Variants in CREB5 observed in about 807,000 individuals in gnomAD.
CREB5 encodes cAMP responsive element binding protein 5.
Under a neutral mutation model 57.1 loss-of-function variants are expected in CREB5, and 19 were observed. The observed-to-expected ratio is 0.33, with a 90% CI of 0.23 to 0.49. CREB5 has a LOEUF of 0.49. Ranked by LOEUF, CREB5 falls within the 20% of genes least tolerant of loss-of-function variation. The pLI, the probability that CREB5 is intolerant of heterozygous loss-of-function variation, is 0.99. For missense variants in CREB5, 579 were observed against 671.6 expected (o/e 0.86, Z 1.52); for synonymous variants, 238 against 238.3 (o/e 1.00, Z 0.01).
chr7:28,483,472 T>C (rs79495564), intron 1 of CREB5, among the ~76,000 whole-genome samples: 2,088 of 152,340 alleles, frequency 0.014, 25 homozygotes, highest in Non-Finnish European at 0.021. Flanking sequence ...TTTTGTTATC[T>C]TCCTCAAATT....
intron 1 of CREB5, among the ~76,000 whole-genome samples, chr7:28,427,696 GC>G (rs1788562764): frequency 6.6e-6 from 1 of 151,934 alleles, no homozygotes; most frequent in African/African-American, 2.4e-5. Context: ...CATGAACTCT[GC>G]CCTCCTCCTC....
intron 5 of CREB5, among the ~76,000 whole-genome samples, chr7:28,660,303 G>A (rs1799550831): frequency 1.3e-5 from 2 of 151,102 alleles, no homozygotes; most frequent in African/African-American, 4.9e-5. Flanking sequence ...AAGAACCACT[G>A]TCCTCAAAAG....
intron 9 of CREB5, among the ~76,000 whole-genome samples, chr7:28,816,605 A>G (rs1452579200): frequency 1.3e-5 from 2 of 152,172 alleles, no homozygotes; most frequent in African/African-American, 4.8e-5. Flanking sequence ...ATGTTACTCA[A>G]TATGTGGTTG....
chr7:28,774,674 G>A (rs552238267), intron 7 of CREB5, among the ~76,000 whole-genome samples: 92 of 152,324 alleles, frequency 6.0e-4, no homozygotes, highest in Admixed American at 1.0e-3. Flanking sequence ...CAGAGTGGGG[G>A]TGGGTAATGA....
intron 1 of CREB5, among the ~76,000 whole-genome samples, chr7:28,354,658 C>G (rs891275651): frequency 6.6e-6 from 1 of 152,216 alleles, no homozygotes; most frequent in African/African-American, 2.4e-5. Context: ...CCAGGGCCCT[C>G]CCTGTGCCAG....
intron 1 of CREB5, among the ~76,000 whole-genome samples, chr7:28,478,460 A>T (rs1791172559): frequency 6.6e-6 from 1 of 152,174 alleles, no homozygotes; most frequent in Non-Finnish European, 1.5e-5. Flanking sequence ...AAGCTTTCTT[A>T]CTGAGAAGCT....
At chr7:28,633,324 A>G (rs1427749861) in intron 5 of CREB5, among the ~76,000 whole-genome samples, 2 of 152,108 alleles carry the variant, frequency 1.3e-5, no homozygotes, top group Non-Finnish European at 2.9e-5. Context: ...ATTATTTCCT[A>G]CAAATGAGAA....
chr7:28,486,670 T>TTTTATATATATATATATATA (rs1554331894), intron 1 of CREB5, among the ~76,000 whole-genome samples: 2 of 89,148 alleles, frequency 2.2e-5, no homozygotes, highest in Admixed American at 1.2e-4. Context: ...TCCTATGATT[T>TTTTATATATATATATATATA]TATATATATA....
chr7:28,573,454 C>T (rs1795782497), intron 5 of CREB5, among the ~76,000 whole-genome samples: 1 of 152,224 alleles, frequency 6.6e-6, no homozygotes, highest in African/African-American at 2.4e-5. Flanking sequence ...TAAGCTGCAT[C>T]CAGCCAGAAA....
intron 5 of CREB5, among the ~76,000 whole-genome samples, chr7:28,609,690 G>A (rs1212716945): frequency 6.6e-6 from 1 of 152,234 alleles, no homozygotes; most frequent in Non-Finnish European, 1.5e-5. Context: ...TGCACCAGGT[G>A]CATGGAGGTA....
upstream of CREB5, among the ~76,000 whole-genome samples, chr7:28,408,573 G>T (rs777437477): frequency 6.6e-6 from 1 of 152,146 alleles, no homozygotes; most frequent in Non-Finnish European, 1.5e-5. Flanking sequence ...GACAGCCAAG[G>T]GCCCTTTCGG....
chr7:28,671,759 T>C (rs1389675768), intron 5 of CREB5, among the ~76,000 whole-genome samples: 1 of 152,226 alleles, frequency 6.6e-6, no homozygotes, highest in African/African-American at 2.4e-5. Flanking sequence ...ACGTGCCAGC[T>C]GTGTGACCTT....
chr7:28,473,527 T>C (rs1351447989), intron 1 of CREB5, among the ~76,000 whole-genome samples: 1 of 152,228 alleles, frequency 6.6e-6, no homozygotes, highest in Non-Finnish European at 1.5e-5. Flanking sequence ...CTCATCCTTC[T>C]CATTCAGTGT....
intron 1 of CREB5, among the ~76,000 whole-genome samples, chr7:28,471,464 C>T (rs1001220152): frequency 9.9e-5 from 15 of 152,052 alleles, no homozygotes; most frequent in African/African-American, 3.1e-4. Context: ...CATGCTCTTT[C>T]GGTTACTATA....
At chr7:28,445,754 T>C (rs1411531380) in intron 1 of CREB5, among the ~76,000 whole-genome samples, 5 of 151,812 alleles carry the variant, frequency 3.3e-5, no homozygotes, top group Non-Finnish European at 5.9e-5. Context: ...GGTTTCACTG[T>C]GTTAGCCAGG....
At chr7:28,520,442 C>T (rs938733327) in intron 4 of CREB5, among the ~76,000 whole-genome samples, 4 of 152,300 alleles carry the variant, frequency 2.6e-5, no homozygotes, top group African/African-American at 9.6e-5. Flanking sequence ...AAAGAAGAGA[C>T]CAAGTCTGAT....
intron 4 of CREB5, among the ~76,000 whole-genome samples, chr7:28,564,033 T>C (rs1583636504): frequency 6.6e-6 from 1 of 151,968 alleles, no homozygotes; most frequent in African/African-American, 2.4e-5. Context: ...CTTTAACATC[T>C]TTTCTATACC....
intron 5 of CREB5, among the ~76,000 whole-genome samples, chr7:28,589,022 C>T (rs1489964382): frequency 6.6e-6 from 1 of 152,186 alleles, no homozygotes; most frequent in Non-Finnish European, 1.5e-5. Context: ...AAATGTAAGA[C>T]TCACTCTATG....
chr7:28,491,187 G>A (rs892870646), intron 2 of CREB5: 4 of 985,148 alleles, frequency 4.1e-6, no homozygotes, highest in Admixed American at 1.2e-4. Context: ...AGCCTGAGAA[G>A]GAAACAGTTT....
Sources: gnomAD v4.1 joint callset for allele counts (sites outside exome capture counted in the v4.1 genomes callset) on GRCh38, gnomAD v4.1.1 for gene constraint, MANE v1.5 for transcripts, NCBI Gene and HGNC (gene_info 2026-07-23, HGNC 2026-07-21) for gene names.